C4orf50: variants seen among roughly 807,000 people sequenced by gnomAD.
C4orf50 encodes chromosome 4 open reading frame 50.
Under a neutral mutation model 77.2 loss-of-function variants are expected in C4orf50, and 80 were observed. The observed-to-expected ratio is 1.04, with a 90% CI of 0.87 to 1.25. The LOEUF (loss-of-function observed/expected upper bound fraction) is 1.25. C4orf50 is among the 50% of genes most tolerant of loss of function. The pLI, the probability that C4orf50 is intolerant of heterozygous loss-of-function variation, is 0.00. For synonymous variants in C4orf50, 532 were observed against 465.3 expected (o/e 1.14, Z -1.84); for missense variants, 1,257 against 1,152.9 (o/e 1.09, Z -1.31).
chr4:5,933,652 C>T (rs184195717), intron 7 of C4orf50, among the ~76,000 whole-genome samples: 9 of 152,316 alleles, frequency 5.9e-5, no homozygotes, highest in South Asian at 2.1e-4. Flanking sequence ...GGGTTAGGGG[C>T]GTACTCAGCA....
In C4orf50 at chr4:6,009,400, C is replaced by T. The variant is rs1722392200; in HGVS notation, c.427-868G>A. The stretch of plus-strand genomic sequence containing the variant: ...GGAGCTTCCGGAAAACAAAAACAAA[C>T]AAACTAAGAGCAAACGTGAAAGAGG... On this transcript the variant is annotated intron_variant, in intron 24 of 33. Coordinates refer to ENST00000531445, the Ensembl canonical transcript of C4orf50. The surrounding 1 kb of genome is among the most constrained non-coding windows in gnomAD (Gnocchi z 5.6). Among the ~76,000 whole-genome samples, 1 of 152,236 alleles carries T rather than the reference C, an allele frequency of 6.6e-6. No individual in the cohort carries two copies. The highest frequency in any genetic ancestry group is 2.4e-5 in the African/African-American group (1 of 41,468).
At chr4:5,913,681 T>C (rs1005059323) in intron 7 of C4orf50, among the ~76,000 whole-genome samples, 10 of 152,196 alleles carry the variant, frequency 6.6e-5, no homozygotes, top group African/African-American at 1.9e-4. Context: ...GGCTCCTGGG[T>C]GTATTGATCC....
At chr4:5,973,691 T>G in exon 31 of C4orf50, 1 of 1,613,712 alleles carries the variant, frequency 6.2e-7, no homozygotes, top group Non-Finnish European at 8.5e-7. Flanking sequence ...AAGGTGGCCG[T>G]GTACTCAGCC....
intron 7 of C4orf50, among the ~76,000 whole-genome samples, chr4:5,948,690 G>A (rs1355237369): frequency 2.0e-5 from 3 of 152,054 alleles, no homozygotes; most frequent in Admixed American, 6.6e-5. Flanking sequence ...AGCTACTCAG[G>A]AGGCTGAAGT....
chr4:5,935,784 T>TGAAAAA (rs1717982780), intron 7 of C4orf50, among the ~76,000 whole-genome samples: 4 of 31,478 alleles, frequency 1.3e-4, no homozygotes, highest in African/African-American at 3.2e-4. Flanking sequence ...AGACTCCGTC[T>TGAAAAA]AAAAAAAAAA....
intron 7 of C4orf50, chr4:5,898,495 T>C (rs1463167099): frequency 6.6e-6 from 1 of 152,268 alleles, no homozygotes; most frequent in African/African-American, 2.4e-5. Context: ...GTAGGTACCC[T>C]GTCCAAGCTT....
In C4orf50 at chr4:5,910,907, C is replaced by CTTTTTTTTTT. The variant is rs33913636; in HGVS notation, c.*2475-12729_*2475-12720dup. ...GCCAATGGGTTTCTTCCCTTTCTTTCTTTTTTTTTTTTTTTTTTTTGAGAC... is the reference window on the plus strand; with the variant it reads ...GCCAATGGGTTTCTTCCCTTTCTTTCTTTTTTTTTTTTTTTTTTTTTTTTTTTTTTGAGAC... On this transcript the variant is annotated intron_variant, in intron 7 of 7. Coordinates refer to the C4orf50 transcript ENST00000324058. 1.1e-3 allele frequency among the ~76,000 whole-genome samples: 119 copies of CTTTTTTTTTT among 106,532 alleles called. 4 individuals carry two copies. Among genetic ancestry groups the CTTTTTTTTTT allele is most frequent in the East Asian group, 2.5e-3 (9 of 3,658 alleles). 69.9% of individuals were successfully genotyped at this position (106,532 alleles called of 152,430 possible).
At chr4:5,925,849 T>C (rs1277850168) in intron 7 of C4orf50, among the ~76,000 whole-genome samples, 2 of 151,972 alleles carry the variant, frequency 1.3e-5, no homozygotes, top group African/African-American at 2.4e-5. Context: ...CACCAGGTGA[T>C]GGAAGTTGGG....
At chr4:5,937,845 T>C (rs773961549) in intron 7 of C4orf50, among the ~76,000 whole-genome samples, 1 of 152,214 alleles carries the variant, frequency 6.6e-6, no homozygotes. Flanking sequence ...CAAAGGTTAC[T>C]ACCTAATTGT....
chr4:5,949,260 A>G (rs1026643658), intron 7 of C4orf50, among the ~76,000 whole-genome samples: 1 of 152,216 alleles, frequency 6.6e-6, no homozygotes, highest in African/African-American at 2.4e-5. Context: ...GGCAGAAGCT[A>G]TAGATGAAAA....
intron 29 of C4orf50, among the ~76,000 whole-genome samples, chr4:5,977,611 A>G (rs886861863): frequency 1.3e-5 from 2 of 152,186 alleles, no homozygotes; most frequent in Non-Finnish European, 2.9e-5. Context: ...GTTTATGGAA[A>G]TTTATCTTAG....
chr4:5,959,148 A>G (rs1406887257), exon 34 of C4orf50: 12 of 551,876 alleles, frequency 2.2e-5, no homozygotes, highest in Non-Finnish European at 3.5e-5. Context: ...AATATTTCCT[A>G]TGCTGCCTTG....
chr4:5,907,519 G>A (rs541988069), intron 7 of C4orf50, among the ~76,000 whole-genome samples: 3 of 152,164 alleles, frequency 2.0e-5, no homozygotes, highest in Non-Finnish European at 4.4e-5. Flanking sequence ...TATATGTTCT[G>A]TAAATGAAAA....
chr4:5,959,134 A>G (rs904957907), exon 34 of C4orf50: 6 of 516,936 alleles, frequency 1.2e-5, no homozygotes, highest in Non-Finnish European at 2.1e-5. Context: ...GTTTTGGTAC[A>G]GTAAATATTT....
At chr4:5,978,235 T>C (rs1161193418) in intron 29 of C4orf50, among the ~76,000 whole-genome samples, 3 of 152,198 alleles carry the variant, frequency 2.0e-5, no homozygotes, top group African/African-American at 7.2e-5. Flanking sequence ...AATGAAGTTA[T>C]CAGAGACACT....
chr4:5,965,413 T>A (rs1719511961), intron 32 of C4orf50, among the ~76,000 whole-genome samples: 1 of 152,234 alleles, frequency 6.6e-6, no homozygotes, highest in Non-Finnish European at 1.5e-5. Flanking sequence ...GGCTGCAAGC[T>A]CATTCCATGC....
intron 32 of C4orf50, among the ~76,000 whole-genome samples, chr4:5,967,078 T>A (rs1431755892): frequency 6.6e-6 from 1 of 152,220 alleles, no homozygotes; most frequent in East Asian, 1.9e-4. Flanking sequence ...TACTGAGGGT[T>A]CCTCCCAGTT....
At chr4:5,968,837 G>T (rs115519397) in intron 31 of C4orf50, among the ~76,000 whole-genome samples, 2 of 152,110 alleles carry the variant, frequency 1.3e-5, no homozygotes, top group Non-Finnish European at 2.9e-5. Flanking sequence ...AGGATACACC[G>T]ACAGAGTAGC....
intron 7 of C4orf50, among the ~76,000 whole-genome samples, chr4:5,936,905 G>T (rs1045528411): frequency 2.0e-5 from 3 of 151,994 alleles, no homozygotes; most frequent in Non-Finnish European, 4.4e-5. Flanking sequence ...GTACATGGCA[G>T]TTACAGCAAT....
Sources: allele counts gnomAD v4.1 joint callset (sites outside exome capture counted in the v4.1 genomes callset), GRCh38; gene constraint gnomAD v4.1.1; non-coding constraint Gnocchi (gnomAD v3.1); transcripts MANE v1.5; gene names NCBI Gene and HGNC (gene_info 2026-07-23, HGNC 2026-07-21).